Variants in DPP10 observed in about 807,000 individuals in gnomAD.
DPP10 encodes the protein dipeptidyl peptidase like 10.
A neutral mutation model predicts 120.9 loss-of-function variants in DPP10; 33 were observed. That is an observed-to-expected ratio of 0.27 (90% CI 0.21 to 0.37). DPP10 has a LOEUF of 0.37. Among genes scored for constraint, DPP10 ranks in the 10% least tolerant of loss-of-function variants. The pLI, the probability that DPP10 is intolerant of heterozygous loss-of-function variation, is 1.00. For missense variants in DPP10, 816 were observed against 942.8 expected (o/e 0.87, Z 1.76); for synonymous variants, 337 against 326.1 (o/e 1.03, Z -0.36).
At chr2:114,990,733 C>T (rs904000483) in intron 1 of DPP10, among the ~76,000 whole-genome samples, 1 of 152,142 alleles carries the variant, frequency 6.6e-6, no homozygotes, top group African/African-American at 2.4e-5. Flanking sequence ...AGCACAGACA[C>T]CCTTTGAAGT....
chr2:115,269,720 C>G (rs895430579), intron 1 of DPP10, among the ~76,000 whole-genome samples: 1 of 152,122 alleles, frequency 6.6e-6, no homozygotes, highest in African/African-American at 2.4e-5. Flanking sequence ...AAGGGACATT[C>G]CATCACTTCT....
At chr2:114,445,786 C>G (rs950645366) in intron 1 of DPP10, among the ~76,000 whole-genome samples, 8 of 152,072 alleles carry the variant, frequency 5.3e-5, no homozygotes, top group African/African-American at 1.9e-4. Context: ...TTAGCTCAGA[C>G]AGTTACTGAC....
intron 1 of DPP10, among the ~76,000 whole-genome samples, chr2:115,030,174 T>C (rs903438186): frequency 6.6e-6 from 1 of 151,992 alleles, no homozygotes; most frequent in East Asian, 1.9e-4. Flanking sequence ...TCAACTAATT[T>C]TTTTTTTTTT....
At chr2:115,192,047 C>A (rs141544844) in intron 1 of DPP10, among the ~76,000 whole-genome samples, 88 of 152,268 alleles carry the variant, frequency 5.8e-4, no homozygotes, top group African/African-American at 2.0e-3. Flanking sequence ...TTTCTACTTT[C>A]CCTGATGAAG....
At chr2:115,404,602 A>AT (rs1282254763) in intron 3 of DPP10, among the ~76,000 whole-genome samples, 10 of 152,144 alleles carry the variant, frequency 6.6e-5, no homozygotes, top group Non-Finnish European at 1.5e-4. Context: ...TTGCTATTAT[A>AT]GGATACCTGA....
intron 7 of DPP10, among the ~76,000 whole-genome samples, chr2:115,693,951 A>G (rs2091452820): frequency 6.6e-6 from 1 of 152,126 alleles, no homozygotes; most frequent in South Asian, 2.1e-4. Flanking sequence ...ATTCACTTTT[A>G]CTATTATTAA....
intron 1 of DPP10, among the ~76,000 whole-genome samples, chr2:114,886,642 C>T (rs958860788): frequency 3.3e-5 from 5 of 152,272 alleles, no homozygotes; most frequent in African/African-American, 1.2e-4. Flanking sequence ...AGCATCTGCT[C>T]TTTCATTTTT....
At chr2:115,111,712 A>G (rs2049230270) in intron 1 of DPP10, among the ~76,000 whole-genome samples, 1 of 152,182 alleles carries the variant, frequency 6.6e-6, no homozygotes, top group Non-Finnish European at 1.5e-5. Context: ...GAAATATGTG[A>G]CAGAGCAGGG....
intron 24 of DPP10, among the ~76,000 whole-genome samples, chr2:115,840,330 T>TG (rs1689997300): frequency 3.3e-5 from 4 of 120,566 alleles, no homozygotes; most frequent in Non-Finnish European, 6.9e-5. Flanking sequence ...TTTTTTTTTT[T>TG]TTTTTTTTTT....
intron 1 of DPP10, among the ~76,000 whole-genome samples, chr2:114,644,235 C>G (rs1558961346): frequency 6.6e-6 from 1 of 151,212 alleles, no homozygotes; most frequent in African/African-American, 2.5e-5. Flanking sequence ...AGCCAGCGCG[C>G]CTGGCTTGAT....
chr2:114,887,345 A>G (rs1437168761), intron 1 of DPP10, among the ~76,000 whole-genome samples: 1 of 152,228 alleles, frequency 6.6e-6, no homozygotes, highest in Non-Finnish European at 1.5e-5. Flanking sequence ...ATACAAAACT[A>G]ATCATAAAAT....
chr2:115,599,896 C>T (rs1199815344), intron 5 of DPP10, among the ~76,000 whole-genome samples: 1 of 152,046 alleles, frequency 6.6e-6, no homozygotes, highest in Non-Finnish European at 1.5e-5. Context: ...TTTAATTTTG[C>T]CCACCATCCT....
At chr2:114,734,042 T>G (rs1474613753) in intron 1 of DPP10, among the ~76,000 whole-genome samples, 2 of 152,180 alleles carry the variant, frequency 1.3e-5, no homozygotes, top group Non-Finnish European at 1.5e-5. Flanking sequence ...TATTTAACCC[T>G]ATATATCATG....
chr2:115,440,588 C>T (rs1177344000), intron 3 of DPP10, among the ~76,000 whole-genome samples: 2 of 152,158 alleles, frequency 1.3e-5, no homozygotes, highest in Admixed American at 6.5e-5. Context: ...AAAATTCTCT[C>T]GGCCCCGAGG....
chr2:115,150,003 A>G (rs1242651187), intron 1 of DPP10, among the ~76,000 whole-genome samples: 1 of 152,236 alleles, frequency 6.6e-6, no homozygotes, highest in Non-Finnish European at 1.5e-5. Context: ...AGGGAATAAA[A>G]GAGTGAATGG....
intron 19 of DPP10, among the ~76,000 whole-genome samples, chr2:115,793,023 C>A (rs1684161902): frequency 6.6e-6 from 1 of 152,214 alleles, no homozygotes; most frequent in Non-Finnish European, 1.5e-5. Flanking sequence ...AACAGAATCT[C>A]TTTGTTTTCT....
intron 5 of DPP10, among the ~76,000 whole-genome samples, chr2:115,538,188 A>G (rs1340740873): frequency 6.6e-6 from 1 of 152,000 alleles, no homozygotes. Context: ...AGATCCTGAA[A>G]CAAAGGAAGT....
chr2:115,623,594 A>T (rs2085138618), intron 5 of DPP10, among the ~76,000 whole-genome samples: 1 of 152,198 alleles, frequency 6.6e-6, no homozygotes, highest in African/African-American at 2.4e-5. Flanking sequence ...GCTTTAACAG[A>T]GCTTACAATT....
At chr2:114,948,979 C>T (rs1389887065) in intron 1 of DPP10, among the ~76,000 whole-genome samples, 2 of 151,548 alleles carry the variant, frequency 1.3e-5, no homozygotes, top group African/African-American at 2.4e-5. Flanking sequence ...GGCTGGAGTA[C>T]AGTGGCACAA....
Sources: gnomAD v4.1 joint callset for allele counts (sites outside exome capture counted in the v4.1 genomes callset) on GRCh38, gnomAD v4.1.1 for gene constraint, MANE v1.5 for transcripts, NCBI Gene and HGNC (gene_info 2026-07-23, HGNC 2026-07-21) for gene names.